Variants in CDKAL1 observed in about 807,000 individuals in gnomAD.
The protein encoded by CDKAL1 is threonylcarbamoyladenosine tRNA methylthiotransferase.
Under a neutral mutation model 68.2 loss-of-function variants are expected in CDKAL1, and 32 were observed. That is an observed-to-expected ratio of 0.47 (90% CI 0.35 to 0.63). CDKAL1 has a LOEUF of 0.63. Ranked by LOEUF, CDKAL1 falls within the 30% of genes least tolerant of loss-of-function variation. CDKAL1 has a pLI of 0.00. For synonymous variants in CDKAL1, 234 were observed against 244.3 expected, an observed-to-expected ratio of 0.96 and a Z score of 0.39; for missense variants, 606 against 696.7, an observed-to-expected ratio of 0.87 and a Z score of 1.47.
In CDKAL1 at chr6:20,842,833, AAAAC is replaced by A. The variant is rs566035527; in HGVS notation, c.639-3230_639-3227del. ...GCAACAGGAACGAAACTCCGTCTCAAAAACAAACAAACAAAAAATCAAAAAATTA... is the reference window on the plus strand; with the variant it reads ...GCAACAGGAACGAAACTCCGTCTCAAAAACAAACAAAAAATCAAAAAATTA... On this transcript the variant is annotated intron_variant, in intron 8 of 15. Coordinates refer to ENST00000274695, the MANE Select transcript of CDKAL1 (RefSeq NM_017774.3). 4.9e-3 allele frequency among the ~76,000 whole-genome samples: 754 copies of A among 152,330 alleles called. 7 individuals carry two copies. The highest frequency in any genetic ancestry group is 0.017 in the African/African-American group (721 of 41,572).
At chr6:21,114,764 A>T (rs980919122) in intron 13 of CDKAL1, among the ~76,000 whole-genome samples, 1 of 152,188 alleles carries the variant, frequency 6.6e-6, no homozygotes, top group Non-Finnish European at 1.5e-5. Flanking sequence ...AAAAGAAAAG[A>T]TAAAAGACGG....
At chr6:20,707,242 T>G (rs1771642316) in intron 5 of CDKAL1, among the ~76,000 whole-genome samples, 1 of 152,202 alleles carries the variant, frequency 6.6e-6, no homozygotes, top group African/African-American at 2.4e-5. Flanking sequence ...GTGGTCCCAG[T>G]GTTTTGGGTC....
intron 11 of CDKAL1, among the ~76,000 whole-genome samples, chr6:21,008,907 A>G (rs1767871112): frequency 1.3e-5 from 2 of 152,218 alleles, no homozygotes; most frequent in African/African-American, 4.8e-5. Context: ...CTCTTTGCAG[A>G]AAAAGTGATA....
Position 20,802,348 on chromosome 6 carries a change from G to A in CDKAL1, c.638+21083G>A. On this transcript the variant is annotated intron_variant, in intron 8 of 15. Transcript: ENST00000274695. ...ATAATAATAATAATAATAATAATGT[G>A]AATGAGTTATTTTTCTTTAGCAAAT... Among the ~76,000 whole-genome samples the A allele has an allele frequency of 1.6e-5, 2 of 122,448 alleles. 1 individual carries two copies. The highest frequency in any genetic ancestry group is 5.1e-4 in the South Asian group (2 of 3,910). The allele number at this position is 122,448 out of a possible 152,430, so 80.3% of individuals were successfully genotyped here.
chr6:20,617,121 C>T (rs1766954411), intron 4 of CDKAL1, among the ~76,000 whole-genome samples: 1 of 151,366 alleles, frequency 6.6e-6, no homozygotes, highest in African/African-American at 2.4e-5. Flanking sequence ...TGTGCTTTTA[C>T]TGGTACTCAG....
chr6:20,694,133 T>G (rs1399486017), intron 5 of CDKAL1, among the ~76,000 whole-genome samples: 1 of 151,884 alleles, frequency 6.6e-6, no homozygotes, highest in Non-Finnish European at 1.5e-5. Flanking sequence ...AGTTTGTTAC[T>G]TAACCTCCAA....
chr6:21,021,937 C>T (rs994316086), intron 11 of CDKAL1, among the ~76,000 whole-genome samples: 4 of 152,104 alleles, frequency 2.6e-5, no homozygotes, highest in Admixed American at 1.3e-4. Context: ...GTTGATAATG[C>T]GTGGGAACTT....
At chr6:20,598,761 GA>G (rs1765951904) in intron 4 of CDKAL1, among the ~76,000 whole-genome samples, 3 of 152,138 alleles carry the variant, frequency 2.0e-5, no homozygotes, top group African/African-American at 7.2e-5. Context: ...TCTGGAAGAT[GA>G]AAGGGGACAT....
chr6:21,086,105 TA>T (rs1371270103), intron 12 of CDKAL1, among the ~76,000 whole-genome samples: 1 of 152,228 alleles, frequency 6.6e-6, no homozygotes, highest in Non-Finnish European at 1.5e-5. Flanking sequence ...TTGTTTCATT[TA>T]ATCTTCATGC....
chr6:20,730,320 A>G (rs144014196), intron 5 of CDKAL1, among the ~76,000 whole-genome samples: 2,676 of 151,622 alleles, frequency 0.018, 41 homozygotes, highest in Non-Finnish European at 0.028. Flanking sequence ...GAGAAAGAAA[A>G]GAAAAGAAAG....
intron 4 of CDKAL1, among the ~76,000 whole-genome samples, chr6:20,644,165 T>C (rs886454067): frequency 1.3e-5 from 2 of 151,834 alleles, no homozygotes; most frequent in African/African-American, 4.8e-5. Context: ...TATTTTTAAT[T>C]TTTTAAAATC....
chr6:21,082,120 G>A (rs1463436728), intron 12 of CDKAL1, among the ~76,000 whole-genome samples: 1 of 152,136 alleles, frequency 6.6e-6, no homozygotes. Context: ...AATCAAATAT[G>A]AGCAAATAAG....
At chr6:20,943,549 G>T (rs2150702220) in intron 9 of CDKAL1, among the ~76,000 whole-genome samples, 1 of 151,978 alleles carries the variant, frequency 6.6e-6, no homozygotes, top group African/African-American at 2.4e-5. Flanking sequence ...TTTTTATTAT[G>T]AATGTTTTAT....
chr6:20,978,369 T>C (rs998600500), intron 10 of CDKAL1, among the ~76,000 whole-genome samples: 1 of 152,368 alleles, frequency 6.6e-6, no homozygotes, highest in African/African-American at 2.4e-5. Context: ...CAGCTGTTTC[T>C]GTTATGATTA....
intron 7 of CDKAL1, among the ~76,000 whole-genome samples, chr6:20,775,777 T>C (rs192235476): frequency 2.6e-5 from 4 of 152,204 alleles, no homozygotes; most frequent in Admixed American, 2.0e-4. Flanking sequence ...ATTTACTATA[T>C]GGTTTATGGA....
At chr6:21,090,588 G>A (rs1160271263) in intron 12 of CDKAL1, among the ~76,000 whole-genome samples, 1 of 152,070 alleles carries the variant, frequency 6.6e-6, no homozygotes, top group African/African-American at 2.4e-5. Context: ...CTGGAAGAAA[G>A]GAATGACACT....
intron 5 of CDKAL1, among the ~76,000 whole-genome samples, chr6:20,707,557 A>G (rs558329992): frequency 2.0e-5 from 3 of 152,304 alleles, no homozygotes; most frequent in South Asian, 2.1e-4. Context: ...TGGTGGGGTA[A>G]CCATATAATT....
intron 13 of CDKAL1, among the ~76,000 whole-genome samples, chr6:21,148,878 T>C (rs1199161681): frequency 6.6e-6 from 1 of 152,212 alleles, no homozygotes; most frequent in Non-Finnish European, 1.5e-5. Flanking sequence ...TTACCATTCA[T>C]GACTAAAAAA....
At chr6:20,691,225 C>G (rs1315304152) in intron 5 of CDKAL1, among the ~76,000 whole-genome samples, 1 of 152,094 alleles carries the variant, frequency 6.6e-6, no homozygotes, top group African/African-American at 2.4e-5. Flanking sequence ...AATCTTTGGA[C>G]TAGTTCCTGC....
Sources: gnomAD v4.1 joint callset for allele counts (sites outside exome capture counted in the v4.1 genomes callset) on GRCh38, gnomAD v4.1.1 for gene constraint, MANE v1.5 for transcripts, NCBI Gene and HGNC (gene_info 2026-07-23, HGNC 2026-07-21) for gene names.